PTPN6: variants seen among roughly 807,000 people sequenced by gnomAD.
The protein encoded by PTPN6 is protein tyrosine phosphatase non-receptor type 6, also known as tyrosine-protein phosphatase non-receptor type 6.
PTPN6 carries 18 observed loss-of-function variants against 81.5 expected under a neutral mutation model. The ratio of observed to expected loss-of-function variants is 0.22; its 90% CI spans 0.15 to 0.33. PTPN6 has a LOEUF of 0.33. Ranked by LOEUF, PTPN6 falls within the 10% of genes least tolerant of loss-of-function variation. The pLI, the probability that PTPN6 is intolerant of heterozygous loss-of-function variation, is 1.00. For missense variants in PTPN6, 500 were observed against 794.2 expected (o/e 0.63, Z 4.45); for synonymous variants, 301 against 310.9 (o/e 0.97, Z 0.33).
At chr12:6,950,236 A>T (rs994520967), upstream of PTPN6, among the ~76,000 whole-genome samples, 1 of 151,902 alleles carries the variant, frequency 6.6e-6, no homozygotes, top group African/African-American at 2.4e-5. Context: ...AAAGGTATGT[A>T]GAGAACCAAG....
chr12:6,947,210 A>T (rs1308269989), upstream of PTPN6, among the ~76,000 whole-genome samples: 1 of 152,208 alleles, frequency 6.6e-6, no homozygotes, highest in Non-Finnish European at 1.5e-5. Flanking sequence ...CGTGTTGAGC[A>T]TCTATTATGC....
rs1946060466 is a variant in PTPN6 at position 6,957,887 on chromosome 12, G to A, written c.1207-32G>A. 1 of 1,613,882 alleles carries A rather than the reference G, an allele frequency of 6.2e-7. No homozygotes were observed. Among genetic ancestry groups the A allele is most frequent in the African/African-American group, 1.3e-5 (1 of 74,928 alleles). On this transcript the variant is annotated intron_variant, in intron 10 of 15. Coordinates refer to ENST00000318974, the MANE Select transcript of PTPN6 (RefSeq NM_002831.6). The surrounding 1 kb of genome is among the most constrained non-coding windows in gnomAD (Gnocchi z 6.5). ...AGATGGATGAGGTGTTCCGAGAGAG[G>A]AGGGGGCACTGACCCTATGTCCTCG...
In PTPN6 at chr12:6,956,308, G is replaced by T; in HGVS notation, c.924+87G>T. ...GGGACCCTAGATCCAGAGACAGCTG[G>T]GCAAAGCCGAAGCTGGCTTCTTGCA... On this transcript the variant is annotated intron_variant, in intron 8 of 15. Transcript: ENST00000318974. This position sits in a 1 kb window ranked among gnomAD's most constrained non-coding sequence, Gnocchi z 4.1. 1.9e-6 allele frequency: 3 copies of T among 1,609,698 alleles called. No individual in the cohort carries two copies. In the South Asian group the frequency reaches 3.3e-5, roughly 18 times the overall value.
In PTPN6 at chr12:6,954,738, G is replaced by C. The variant is rs782606932; in HGVS notation, c.327-67G>C. The C allele has an allele frequency of 4.6e-6, 7 of 1,514,738 alleles. No homozygotes were observed. In the East Asian group the frequency reaches 1.6e-4, roughly 35 times the overall value. The allele number at this position is 1,514,738 out of a possible 1,614,324, so 93.8% of individuals were successfully genotyped here. On this transcript the variant is annotated intron_variant, in intron 3 of 15. Transcript: ENST00000318974. The surrounding 1 kb of genome is among the most constrained non-coding windows in gnomAD (Gnocchi z 5.4). Reference sequence around the variant, plus strand: ...TGCTTGATTTCCGGCCCCTCTCTGTGAATGTCTCTGCTCAGCGCCTTCCCC... The same window carrying C: ...TGCTTGATTTCCGGCCCCTCTCTGTCAATGTCTCTGCTCAGCGCCTTCCCC...
upstream of PTPN6, among the ~76,000 whole-genome samples, chr12:6,948,632 C>T (rs905099532): frequency 9.9e-5 from 15 of 151,256 alleles, no homozygotes; most frequent in African/African-American, 3.4e-4. Context: ...GACAACCGGT[C>T]GAAAGAAAAA....
rs114388315 is a variant in PTPN6 at position 6,960,179 on chromosome 12, C to T, written c.1521C>T (p.Phe507=). ...GMVQTEAQYK[F]IYVAIAQFIE... ...TGCAGACGGAGGCGCAGTACAAGTT[C>T]ATCTACGTGGCCATCGCCCAGTTCA... The change falls in exon 13 of 16, where the codon TTC becomes TTT. Residue 507 remains phenylalanine, a synonymous_variant. Coordinates refer to ENST00000318974, the MANE Select transcript of PTPN6 (RefSeq NM_002831.6). The surrounding 1 kb of genome is among the most constrained non-coding windows in gnomAD (Gnocchi z 6.1). 1.7e-3 allele frequency: 2,801 copies of T among 1,613,282 alleles called. 39 individuals are homozygous for T. In the African/African-American group the frequency reaches 0.029, roughly 16 times the overall value.
rs1471609066 is a variant in PTPN6, at chr12:6,952,359, C to T, written c.326+182C>T. The T allele has an allele frequency of 7.1e-6, 5 of 706,500 alleles. No homozygotes were observed. Among genetic ancestry groups the T allele is most frequent in the Non-Finnish European group, 1.2e-5 (5 of 420,880 alleles). 43.8% of individuals were successfully genotyped at this position (706,500 alleles called of 1,614,324 possible). ...TGTCCTGGGACCTGGTGTCTCAGAG[C>T]CTAACCTACCACCCTTTCCACCTAA... On this transcript the variant is annotated intron_variant, in intron 3 of 15. Coordinates refer to ENST00000318974, the MANE Select transcript of PTPN6 (RefSeq NM_002831.6). This position sits in a 1 kb window ranked among gnomAD's most constrained non-coding sequence, Gnocchi z 8.1.
At position 6,955,513 on chromosome 12, in the gene PTPN6, G is replaced by A. The variant is rs1946012561; in HGVS notation, c.747+28G>A. On this transcript the variant is annotated intron_variant, in intron 6 of 15. Coordinates refer to ENST00000318974, the MANE Select transcript of PTPN6 (RefSeq NM_002831.6). The surrounding 1 kb of genome is among the most constrained non-coding windows in gnomAD (Gnocchi z 7.2). ...GCATGGTGGGGACCGGCAGGGCTGGGGCAGCTGAGGTGGTGGCAGCGGCCT... is the reference window on the plus strand; with the variant it reads ...GCATGGTGGGGACCGGCAGGGCTGGAGCAGCTGAGGTGGTGGCAGCGGCCT... 2.5e-6 allele frequency: 4 copies of A among 1,608,526 alleles called. No homozygotes were observed. The highest frequency in any genetic ancestry group is 2.6e-6 in the Non-Finnish European group (3 of 1,175,534).
intron 3 of PTPN6, among the ~76,000 whole-genome samples, chr12:6,953,974 CAGA>C (rs1555148176): frequency 2.0e-5 from 3 of 152,216 alleles, no homozygotes; most frequent in Non-Finnish European, 2.9e-5. Context: ...ACTCTCTCCC[CAGA>C]AGGAGTTTTG....
upstream of PTPN6, among the ~76,000 whole-genome samples, chr12:6,946,935 CTT>C (rs1385225081): frequency 1.3e-5 from 2 of 152,222 alleles, no homozygotes; most frequent in African/African-American, 2.4e-5. Flanking sequence ...TCTGCCCCCT[CTT>C]TAACATTTTC....
chr12:6,947,687 AG>A (rs1250504052), upstream of PTPN6, among the ~76,000 whole-genome samples: 23 of 150,412 alleles, frequency 1.5e-4, no homozygotes, highest in African/African-American at 1.5e-4. Context: ...AAAAAAAAAA[AG>A]AAAATGAACC....
chr12:6,956,074 G>T lies in PTPN6; in HGVS notation c.845-68G>T. 6.6e-7 allele frequency: 1 copy of T among 1,522,568 alleles called. No individual in the cohort carries two copies. The highest frequency in any genetic ancestry group is 2.3e-5 in the East Asian group (1 of 44,364). 94.3% of individuals were successfully genotyped at this position (1,522,568 alleles called of 1,614,324 possible). Reference sequence around the variant, plus strand: ...CAGAATGGCCTGTTAGCTCAGGAGGGTCTGACCCAGGTGTGGTGAGTCCCT... The same window carrying T: ...CAGAATGGCCTGTTAGCTCAGGAGGTTCTGACCCAGGTGTGGTGAGTCCCT... On this transcript the variant is annotated intron_variant, in intron 7 of 15. Coordinates refer to ENST00000318974, the MANE Select transcript of PTPN6 (RefSeq NM_002831.6). The surrounding 1 kb of genome is among the most constrained non-coding windows in gnomAD (Gnocchi z 4.1).
rs782026271 is a variant in PTPN6, at chr12:6,957,424, C to T, written c.1075-230C>T. Among the ~76,000 whole-genome samples the T allele has an allele frequency of 4.6e-5, 7 of 152,214 alleles. No individual in the cohort carries two copies. The highest frequency in any genetic ancestry group is 9.7e-5 in the African/African-American group (4 of 41,446). ...TCGGGGACAATGCCTGCCCTGGCAACGTTTGTTGAATGACAAACGGATGTA... is the reference window on the plus strand; with the variant it reads ...TCGGGGACAATGCCTGCCCTGGCAATGTTTGTTGAATGACAAACGGATGTA... On this transcript the variant is annotated intron_variant, in intron 9 of 15. Coordinates refer to ENST00000318974, the MANE Select transcript of PTPN6 (RefSeq NM_002831.6). The surrounding 1 kb of genome is among the most constrained non-coding windows in gnomAD (Gnocchi z 6.5).
chr12:6,956,092 G>A lies in PTPN6; in HGVS notation c.845-50G>A, dbSNP rs1555148601. 6.3e-7 allele frequency: 1 copy of A among 1,578,170 alleles called. No individual in the cohort carries two copies. Among genetic ancestry groups the A allele is most frequent in the Admixed American group, 1.7e-5 (1 of 59,908 alleles). On this transcript the variant is annotated intron_variant, in intron 7 of 15. Coordinates refer to ENST00000318974, the MANE Select transcript of PTPN6 (RefSeq NM_002831.6). This position sits in a 1 kb window ranked among gnomAD's most constrained non-coding sequence, Gnocchi z 4.1. ...CAGGAGGGTCTGACCCAGGTGTGGT[G>A]AGTCCCTGGCTAACCCAGACCATCT...
rs2138269619 is a variant in PTPN6 at position 6,955,366 on chromosome 12, C to A, written c.634-6C>A. 1 of 1,613,794 alleles carries A rather than the reference C, an allele frequency of 6.2e-7. No individual in the cohort carries two copies. Among genetic ancestry groups the A allele is most frequent in the Admixed American group, 1.7e-5 (1 of 60,028 alleles). On this transcript the variant is annotated splice_polypyrimidine_tract_variant and splice_region_variant and intron_variant, in intron 5 of 15. Coordinates refer to ENST00000318974, the MANE Select transcript of PTPN6 (RefSeq NM_002831.6). The surrounding 1 kb of genome is among the most constrained non-coding windows in gnomAD (Gnocchi z 7.2). ...GTTGCTGACTTCTCGCTCTTCCCCA[C>A]CCCAGCCGTACTATGCCACGAGGGT...
rs1379867430 is a variant in PTPN6 at position 6,957,862 on chromosome 12, A to T, written c.1207-57A>T. On this transcript the variant is annotated intron_variant, in intron 10 of 15. Transcript: ENST00000318974. The surrounding 1 kb of genome is among the most constrained non-coding windows in gnomAD (Gnocchi z 6.5). ...TTCTCCTCTCTGGTCGGGTAGGGTG[A>T]GATGGATGAGGTGTTCCGAGAGAGG... is the stretch of plus-strand genomic sequence containing the variant. 17 of 1,613,816 alleles carry T rather than the reference A, an allele frequency of 1.1e-5. No individual in the cohort carries two copies. The highest frequency in any genetic ancestry group is 1.4e-5 in the Non-Finnish European group (17 of 1,179,986).
Position 6,951,747 on chromosome 12 carries a change from G to A in PTPN6, c.131+16G>A, listed in dbSNP as rs1004177738. On this transcript the variant is annotated intron_variant, in intron 2 of 15. Coordinates refer to ENST00000318974, the MANE Select transcript of PTPN6 (RefSeq NM_002831.6). The surrounding 1 kb of genome is among the most constrained non-coding windows in gnomAD (Gnocchi z 7.2). ...TCTCCGTCAGGTAGGTGGGCCCCCC[G>A]CAACCCCGGGCATTTTGGCCACTCT... The A allele has an allele frequency of 2.5e-6, 4 of 1,609,400 alleles. No individual in the cohort carries two copies. Among genetic ancestry groups the A allele is most frequent in the Non-Finnish European group, 2.5e-6 (3 of 1,179,966 alleles).
chr12:6,947,593 TG>T (rs1474760964), upstream of PTPN6, among the ~76,000 whole-genome samples: 2 of 145,448 alleles, frequency 1.4e-5, no homozygotes, highest in Non-Finnish European at 1.5e-5. Flanking sequence ...TGCTTGAGCC[TG>T]GGAGGTCAAG....
chr12:6,955,873 C>G lies in PTPN6; in HGVS notation c.844+117C>G. The G allele has an allele frequency of 1.0e-6, 1 of 994,088 alleles. No homozygotes were observed. The highest frequency in any genetic ancestry group is 1.3e-5 in the South Asian group (1 of 74,466). The allele number at this position is 994,088 out of a possible 1,614,324, so 61.6% of individuals were successfully genotyped here. On this transcript the variant is annotated intron_variant, in intron 7 of 15. Transcript: ENST00000318974. The surrounding 1 kb of genome is among the most constrained non-coding windows in gnomAD (Gnocchi z 7.2). ...AGGGGCCATCTCCCCACACCCCCCACAGAGCCTCCCCCTTCTCCAAAAGGC... is the reference window on the plus strand; with the variant it reads ...AGGGGCCATCTCCCCACACCCCCCAGAGAGCCTCCCCCTTCTCCAAAAGGC...
Sources: gnomAD v4.1 joint callset for allele counts (sites outside exome capture counted in the v4.1 genomes callset) on GRCh38, gnomAD v4.1.1 for gene constraint, Gnocchi (gnomAD v3.1) non-coding constraint, MANE v1.5 for transcripts, NCBI Gene and HGNC (gene_info 2026-07-23, HGNC 2026-07-21) for gene names.